The following RHOT1 variants were observed in gnomAD, a reference collection of about 807,000 sequenced individuals.
RHOT1 encodes the protein ras homolog family member T1, also known as mitochondrial Rho GTPase 1.
Under a neutral mutation model 95.3 loss-of-function variants are expected in RHOT1, and 27 were observed. The observed-to-expected ratio is 0.28, with a 90% confidence interval of 0.21 to 0.39. The LOEUF (loss-of-function observed/expected upper bound fraction) is 0.39, where lower values mean the gene tolerates loss of function less well. Ranked by LOEUF, RHOT1 falls within the 10% of genes least tolerant of loss-of-function variation. RHOT1 has a pLI of 1.00. For synonymous variants in RHOT1, 227 were observed against 263.5 expected (o/e 0.86, Z 1.34); for missense variants, 578 against 786.7 (o/e 0.73, Z 3.17).
Position 32,161,142 on chromosome 17 carries a change from C to T in RHOT1, c.38-9901C>T, listed in dbSNP as rs138504656. ...CCATGCAGGAGAACTAAATGTATCACGCAAATTAGTCTCCCAGAAGGCTCA... is the reference window on the plus strand; with the variant it reads ...CCATGCAGGAGAACTAAATGTATCATGCAAATTAGTCTCCCAGAAGGCTCA... On this transcript the variant is annotated intron_variant, in intron 1 of 19. Transcript: ENST00000545287. 1.5e-3 allele frequency among the ~76,000 whole-genome samples: 232 copies of T among 152,248 alleles called. 1 individual carries two copies. The highest frequency in any genetic ancestry group is 5.3e-3 in the African/African-American group (219 of 41,516).
At chr17:32,147,752 G>A (rs1403243356) in intron 1 of RHOT1, among the ~76,000 whole-genome samples, 1 of 151,844 alleles carries the variant, frequency 6.6e-6, no homozygotes, top group Admixed American at 6.6e-5. Context: ...CCCAGGAGGC[G>A]GAGGGTGCAG....
rs748194012 is a variant in RHOT1 at position 32,206,993 on chromosome 17, T to A, written c.1500T>A (p.Asn500Lys). ...DVVCLVYDVS[N>K]PKSFEYCARI... is the part of the protein sequence containing the mutation. ...TATGCCTGGTATATGATGTCAGCAA[T>A]CCCAAATCCTTTGAATACTGTGCCA... is the stretch of plus-strand genomic sequence containing the variant. Residue 500 changes from asparagine to lysine, a missense_variant, in exon 17 of 20, where the codon AAT becomes AAA. Physicochemically the swap from Asn to Lys is moderately conservative, Grantham distance 94. Around this residue, in one of 4 missense-constraint regions of RHOT1, gnomAD observed 296 missense variants for 338.5 expected, o/e 0.87. Coordinates refer to ENST00000545287, the MANE Select transcript of RHOT1 (RefSeq NM_001033566.3). 7 of 1,613,076 alleles carry A rather than the reference T, an allele frequency of 4.3e-6. No individual in the cohort carries two copies. Among genetic ancestry groups the A allele is most frequent in the Non-Finnish European group, 5.1e-6 (6 of 1,179,634 alleles).
At position 32,192,052 on chromosome 17, in the gene RHOT1, G is replaced by C. The variant is rs187842538; in HGVS notation, c.541-149G>C. ...AAATATTGCCTCATTTACTTAAAAAGGCTTGCATATAAAGTAAATGGCTTT... is the reference window on the plus strand; with the variant it reads ...AAATATTGCCTCATTTACTTAAAAACGCTTGCATATAAAGTAAATGGCTTT... On this transcript the variant is annotated intron_variant, in intron 8 of 19. Coordinates refer to ENST00000545287, the MANE Select transcript of RHOT1 (RefSeq NM_001033566.3). The C allele has an allele frequency of 3.9e-5, 21 of 543,180 alleles. No individual in the cohort carries two copies. The Admixed American group carries it at 5.4e-4, about 14-fold the overall frequency. 33.6% of individuals were successfully genotyped at this position (543,180 alleles called of 1,614,324 possible). A position where few individuals can be genotyped will look rare whatever the true frequency, so the allele number is the denominator to read the frequency against.
At chr17:32,182,732 T>C in intron 6 of RHOT1, 25 bp from the exon 7 acceptor site, 3 of 1,324,216 alleles carry the variant, frequency 2.3e-6, no homozygotes, top group Non-Finnish European at 3.2e-6. Context: ...GCCTTCCTTA[T>C]TACAATGTGC....
chr17:32,142,920 G>A (rs971508094), intron 1 of RHOT1, 191 bp downstream of exon 1: 4 of 723,336 alleles, frequency 5.5e-6, no homozygotes, highest in Admixed American at 4.0e-5. Flanking sequence ...GCTGGCCGCC[G>A]GCGGCCCTCA....
In RHOT1 at chr17:32,199,296, CATTT is replaced by C. The variant is rs1435199631; in HGVS notation, c.955-105_955-102del. ...CTTGATAAAATGTAAAATTTGTTGTCATTTATTAAGTAGTTTTAAAAAGCATAGC... is the reference window on the plus strand; with the variant it reads ...CTTGATAAAATGTAAAATTTGTTGTCATTAAGTAGTTTTAAAAAGCATAGC... On this transcript the variant is annotated intron_variant, in intron 12 of 19. Coordinates refer to ENST00000545287, the MANE Select transcript of RHOT1 (RefSeq NM_001033566.3). 2.5e-4 allele frequency: 261 copies of C among 1,044,722 alleles called. 2 individuals carry two copies. Among genetic ancestry groups the C allele is most frequent in the African/African-American group, 3.3e-5 (2 of 60,152 alleles). The allele number at this position is 1,044,722 out of a possible 1,614,324, so 64.7% of individuals were successfully genotyped here.
At chr17:32,160,698 A>G (rs1239826212) in intron 1 of RHOT1, among the ~76,000 whole-genome samples, 1 of 152,090 alleles carries the variant, frequency 6.6e-6, no homozygotes, top group African/African-American at 2.4e-5. Context: ...TCGCAGGGAG[A>G]TGGTGCCCAA....
chr17:32,174,759 C>G (rs1206552843), intron 3 of RHOT1, among the ~76,000 whole-genome samples: 1 of 152,198 alleles, frequency 6.6e-6, no homozygotes, highest in Non-Finnish European at 1.5e-5. Context: ...TCTATCCTAG[C>G]TATATCATTC....
intron 1 of RHOT1, among the ~76,000 whole-genome samples, chr17:32,152,863 G>A (rs1419831425): frequency 6.6e-6 from 1 of 151,910 alleles, no homozygotes; most frequent in Non-Finnish European, 1.5e-5. Flanking sequence ...GAATGTAGTG[G>A]CGTGATCATG....
At chr17:32,159,134 T>A (rs2033277941) in intron 1 of RHOT1, among the ~76,000 whole-genome samples, 1 of 152,188 alleles carries the variant, frequency 6.6e-6, no homozygotes, top group Non-Finnish European at 1.5e-5. Flanking sequence ...AAGGCGCAGC[T>A]GGGACTCGTG....
intron 17 of RHOT1, 166 bp downstream of exon 17, chr17:32,207,195 G>T: frequency 3.2e-6 from 2 of 624,326 alleles, no homozygotes; most frequent in Non-Finnish European, 5.2e-6. Context: ...TTCTAAAGTG[G>T]TAGAGTCTCA....
chr17:32,177,627 C>T (rs985616444), intron 6 of RHOT1, among the ~76,000 whole-genome samples: 13 of 151,232 alleles, frequency 8.6e-5, no homozygotes, highest in Non-Finnish European at 1.6e-4. Context: ...TGGTGGGAGG[C>T]GCCTGTAGTC....
intron 17 of RHOT1, 88 bp from the exon 18 acceptor site, chr17:32,208,019 C>T (rs934216742): frequency 3.5e-5 from 41 of 1,183,646 alleles, no homozygotes; most frequent in Non-Finnish European, 5.0e-5. Flanking sequence ...TTGCTTTGCC[C>T]ATCTGGAGGA....
At chr17:32,143,198 C>A in intron 1 of RHOT1, 1 of 450,442 alleles carries the variant, frequency 2.2e-6, no homozygotes, top group Non-Finnish European at 4.6e-6. Context: ...CGTGAACCGG[C>A]TCCCGGGGAA....
intron 1 of RHOT1, among the ~76,000 whole-genome samples, chr17:32,170,091 A>C (rs1424590930): frequency 1.3e-5 from 2 of 152,196 alleles, no homozygotes; most frequent in Admixed American, 6.6e-5. Flanking sequence ...ATAATACATC[A>C]TGCAGTGGAT....
At chr17:32,150,348 CTAA>C in intron 1 of RHOT1, 1 of 357,612 alleles carries the variant, frequency 2.8e-6, no homozygotes, top group Non-Finnish European at 5.0e-6. Context: ...ACTTTTGCTG[CTAA>C]TGAACTTTTT....
At chr17:32,161,028 G>A (rs188497021) in intron 1 of RHOT1, among the ~76,000 whole-genome samples, 46 of 152,340 alleles carry the variant, frequency 3.0e-4, no homozygotes, top group African/African-American at 1.1e-3. Context: ...TAGTTGCCCA[G>A]TGGGTTCTTC....
In RHOT1 at chr17:32,181,540, G is replaced by T. The variant is rs559563975; in HGVS notation, c.330-1217G>T. The stretch of plus-strand genomic sequence containing the variant: ...TTATATTTTTTAAAATTTTCACTAA[G>T]AAATTTTTAAAAATTTGTTAGTGAT... On this transcript the variant is annotated intron_variant, in intron 6 of 19. Coordinates refer to ENST00000545287, the MANE Select transcript of RHOT1 (RefSeq NM_001033566.3). 2.0e-5 allele frequency among the ~76,000 whole-genome samples: 3 copies of T among 152,052 alleles called. No individual in the cohort carries two copies. The South Asian group carries it at 6.2e-4, about 32-fold the overall frequency.
intron 1 of RHOT1, among the ~76,000 whole-genome samples, chr17:32,158,889 G>A (rs970207894): frequency 2.6e-5 from 4 of 152,168 alleles, no homozygotes; most frequent in Admixed American, 6.5e-5. Flanking sequence ...TGGCAGTGGC[G>A]GCCATCTGGA....
Sources: allele counts gnomAD v4.1 joint callset (sites outside exome capture counted in the v4.1 genomes callset), GRCh38; gene constraint gnomAD v4.1.1; regional missense constraint gnomAD v4.1.1; transcripts MANE v1.5; gene names NCBI Gene and HGNC (gene_info 2026-07-23, HGNC 2026-07-21).